Variants in SDK1 observed in about 807,000 individuals in gnomAD.
SDK1 encodes the protein sidekick cell adhesion molecule 1, also known as protein sidekick-1.
In SDK1, 157 loss-of-function variants were observed where a neutral mutation model predicts 245.5. The ratio of observed to expected loss-of-function variants is 0.64; its 90% CI spans 0.56 to 0.73. The LOEUF (loss-of-function observed/expected upper bound fraction) is 0.73, where lower values mean the gene tolerates loss of function less well. SDK1 is among the 30% of genes least tolerant of loss of function. The pLI, the probability that SDK1 is intolerant of heterozygous loss-of-function variation, is 0.00. For synonymous variants in SDK1, 1,647 were observed against 1,278.5 expected (o/e 1.29, Z -6.15); for missense variants, 3,583 against 3,002.3 (o/e 1.19, Z -4.52).
intron 32 of SDK1, among the ~76,000 whole-genome samples, chr7:4,167,245 C>A (rs1217418422): frequency 6.6e-6 from 1 of 152,026 alleles, no homozygotes; most frequent in Non-Finnish European, 1.5e-5. Context: ...CAAAAATTAG[C>A]CGGGCGTGGT....
chr7:3,400,840 A>G (rs1473849744), intron 1 of SDK1, among the ~76,000 whole-genome samples: 1 of 152,312 alleles, frequency 6.6e-6, no homozygotes, highest in East Asian at 1.9e-4. Flanking sequence ...AGAGCTTTAT[A>G]AAGGAGCTTC....
chr7:3,727,982 C>T (rs962039100), intron 4 of SDK1, among the ~76,000 whole-genome samples: 3 of 152,140 alleles, frequency 2.0e-5, no homozygotes, highest in Non-Finnish European at 4.4e-5. Context: ...CAACTTTGCT[C>T]GTTCTTGATG....
rs76332957 is a variant in SDK1 at position 3,495,488 on chromosome 7, G to C, written c.299-123592G>C. On this transcript the variant is annotated intron_variant, in intron 1 of 44. Coordinates refer to ENST00000404826, the MANE Select transcript of SDK1 (RefSeq NM_152744.4). ...TGCCCAGGCAAGTCTTGAACACCCAGCCTCAAGAGATCCTCCCGCCTCAGC... is the reference window on the plus strand; with the variant it reads ...TGCCCAGGCAAGTCTTGAACACCCACCCTCAAGAGATCCTCCCGCCTCAGC... Among the ~76,000 whole-genome samples the C allele has an allele frequency of 5.5e-3, 831 of 152,120 alleles. 6 individuals are homozygous for C. Among genetic ancestry groups the C allele is most frequent in the African/African-American group, 0.019 (796 of 41,522 alleles).
At chr7:3,369,488 A>C (rs553777607) in intron 1 of SDK1, among the ~76,000 whole-genome samples, 1 of 152,234 alleles carries the variant, frequency 6.6e-6, no homozygotes, top group Admixed American at 6.5e-5. Context: ...TTATAGGGCA[A>C]GCTTGCCAAC....
Position 3,482,206 on chromosome 7 carries a change from C to G in SDK1, c.299-136874C>G, listed in dbSNP as rs528321428. Among the ~76,000 whole-genome samples, 8 of 152,230 alleles carry G rather than the reference C, an allele frequency of 5.3e-5. 1 individual carries two copies. The South Asian group carries it at 1.7e-3, about 32-fold the overall frequency. ...ATACCTTAAACTACCTACCTACTAA[C>G]AACAATTAAAAATATTAGAGGAGAG... On this transcript the variant is annotated intron_variant, in intron 1 of 44. Coordinates refer to ENST00000404826, the MANE Select transcript of SDK1 (RefSeq NM_152744.4).
chr7:3,540,013 C>T (rs768290107), intron 1 of SDK1, among the ~76,000 whole-genome samples: 2 of 152,180 alleles, frequency 1.3e-5, no homozygotes, highest in Non-Finnish European at 2.9e-5. Flanking sequence ...AATATCTTTA[C>T]TTTTCATTTC....
chr7:3,865,688 T>C (rs912880879), intron 5 of SDK1, among the ~76,000 whole-genome samples: 1 of 151,968 alleles, frequency 6.6e-6, no homozygotes, highest in East Asian at 1.9e-4. Context: ...TTTTTCTTTT[T>C]TTTTTTTTTA....
intron 4 of SDK1, among the ~76,000 whole-genome samples, chr7:3,758,482 T>A (rs563738850): frequency 6.6e-6 from 1 of 152,360 alleles, no homozygotes; most frequent in African/African-American, 2.4e-5. Context: ...ATGGTAGTTT[T>A]TGTCATTAAC....
intron 1 of SDK1, among the ~76,000 whole-genome samples, chr7:3,451,015 G>T (rs1489936268): frequency 6.6e-6 from 1 of 152,114 alleles, no homozygotes; most frequent in African/African-American, 2.4e-5. Context: ...CCTCAAACCT[G>T]TCTCCTGGGT....
chr7:3,585,708 G>C (rs1374083328), intron 1 of SDK1, among the ~76,000 whole-genome samples: 2 of 152,254 alleles, frequency 1.3e-5, no homozygotes, highest in East Asian at 3.9e-4. Context: ...GTAGGGGAGG[G>C]AAGAAGGGTG....
intron 5 of SDK1, among the ~76,000 whole-genome samples, chr7:3,838,501 A>C (rs1780077819): frequency 1.3e-5 from 2 of 152,270 alleles, no homozygotes; most frequent in Non-Finnish European, 2.9e-5. Context: ...GGCTGGAGTC[A>C]GCAGGTGCCT....
In SDK1 at chr7:4,266,452, C is replaced by G. The variant is rs916131577; in HGVS notation, c.*1068C>G. ...GTGCACACCAGGCCGTCCCCTCCCT[C>G]TGTCCTGGCTTCTGCTGGCTGCTCG... On this transcript the variant is annotated 3_prime_UTR_variant, in exon 45 of 45. Transcript: ENST00000404826. 5.1e-6 allele frequency: 5 copies of G among 985,310 alleles called. No individual in the cohort carries two copies. In the African/African-American group the frequency reaches 7.0e-5, roughly 14 times the overall value. The allele number at this position is 985,310 out of a possible 1,614,324, so 61.0% of individuals were successfully genotyped here. A position where few individuals can be genotyped will look rare whatever the true frequency, so the allele number is the denominator to read the frequency against.
chr7:3,370,379 C>T (rs1287170073), intron 1 of SDK1, among the ~76,000 whole-genome samples: 4 of 152,138 alleles, frequency 2.6e-5, no homozygotes, highest in Non-Finnish European at 5.9e-5. Context: ...GTCAGTTGTT[C>T]TTTATAAGTC....
chr7:4,160,099 T>C (rs1387331429), intron 31 of SDK1, among the ~76,000 whole-genome samples: 1 of 152,246 alleles, frequency 6.6e-6, no homozygotes, highest in African/African-American at 2.4e-5. Flanking sequence ...TTCCGGTTAA[T>C]CTACTTAAAG....
At chr7:4,043,631 C>A (rs368532400) in intron 17 of SDK1, among the ~76,000 whole-genome samples, 1 of 152,350 alleles carries the variant, frequency 6.6e-6, no homozygotes, top group South Asian at 2.1e-4. Flanking sequence ...GGATGCAGGA[C>A]CAGAACTTGA....
At chr7:3,824,319 G>A (rs1299765721) in intron 5 of SDK1, among the ~76,000 whole-genome samples, 1 of 152,144 alleles carries the variant, frequency 6.6e-6, no homozygotes, top group Non-Finnish European at 1.5e-5. Flanking sequence ...AAACTTTCTG[G>A]CCAGCGTTTC....
chr7:3,975,901 G>A (rs576316530), intron 13 of SDK1, among the ~76,000 whole-genome samples: 12 of 148,794 alleles, frequency 8.1e-5, no homozygotes, highest in African/African-American at 2.5e-4. Flanking sequence ...CTGCAAAGCT[G>A]CCACGTAGAG....
intron 1 of SDK1, among the ~76,000 whole-genome samples, chr7:3,319,115 C>G (rs772264625): frequency 6.6e-6 from 1 of 152,024 alleles, no homozygotes; most frequent in African/African-American, 2.4e-5. Flanking sequence ...TGGGGCCTCA[C>G]GGAGAATGAA....
chr7:3,988,132 GTTTTTTTT>G (rs71032919), intron 14 of SDK1, among the ~76,000 whole-genome samples: 2 of 85,422 alleles, frequency 2.3e-5, no homozygotes, highest in South Asian at 9.6e-4. Flanking sequence ...TCTTTTTAAT[GTTTTTTTT>G]TTTTTTTTTT....
Sources: gnomAD v4.1 joint callset for allele counts (sites outside exome capture counted in the v4.1 genomes callset) on GRCh38, gnomAD v4.1.1 for gene constraint, MANE v1.5 for transcripts, NCBI Gene and HGNC (gene_info 2026-07-23, HGNC 2026-07-21) for gene names.